The following STARD13 variants were observed in gnomAD, a reference collection of about 807,000 sequenced individuals.
STARD13 encodes the protein stAR-related lipid transfer protein 13.
In STARD13, 62 loss-of-function variants were observed where a neutral mutation model predicts 106.4. The observed-to-expected ratio is 0.58, with a 90% CI of 0.48 to 0.72. The LOEUF is 0.72. Ranked by LOEUF, STARD13 falls within the 30% of genes least tolerant of loss-of-function variation. The pLI, the probability that STARD13 is intolerant of heterozygous loss-of-function variation, is 0.00. For synonymous variants in STARD13, 565 were observed against 553.0 expected, an observed-to-expected ratio of 1.02 and a Z score of -0.31; for missense variants, 1,387 against 1,424.0, an observed-to-expected ratio of 0.97 and a Z score of 0.42.
At chr13:33,497,509 T>C in the STARD13 span, among the ~76,000 whole-genome samples, 1 of 152,152 alleles carries the variant, frequency 6.6e-6, no homozygotes, top group Non-Finnish European at 1.5e-5. Context: ...TATGAGCCTT[T>C]AGTTCTAAAT....
chr13:33,533,194 C>T, the STARD13 span, among the ~76,000 whole-genome samples: 36 of 152,268 alleles, frequency 2.4e-4, no homozygotes, highest in African/African-American at 7.9e-4. Flanking sequence ...GTCTTTTCCC[C>T]CAGTCCTTTC....
chr13:33,436,978 G>C, the STARD13 span, among the ~76,000 whole-genome samples: 8 of 152,196 alleles, frequency 5.3e-5, no homozygotes, highest in Non-Finnish European at 1.2e-4. Flanking sequence ...GTATATGGAG[G>C]GGCCCCTTCA....
chr13:33,415,135 G>A, the STARD13 span, among the ~76,000 whole-genome samples: 3 of 152,168 alleles, frequency 2.0e-5, no homozygotes, highest in African/African-American at 4.8e-5. Flanking sequence ...TTGGGAGGCC[G>A]AGGCGGGCGG....
chr13:33,621,598 T>C, the STARD13 span, among the ~76,000 whole-genome samples: 2,639 of 139,828 alleles, frequency 0.019, 83 homozygotes, highest in African/African-American at 0.067. Flanking sequence ...AAGAATGGCG[T>C]GAACCCGGGA....
At chr13:33,314,003 TA>T (rs925152398) in intron 1 of STARD13, among the ~76,000 whole-genome samples, 28 of 152,312 alleles carry the variant, frequency 1.8e-4, no homozygotes, top group African/African-American at 6.3e-4. Context: ...CTTTTCCATG[TA>T]TCTCCATCAC....
At chr13:33,385,873 A>C in the STARD13 span, among the ~76,000 whole-genome samples, 7 of 151,510 alleles carry the variant, frequency 4.6e-5, no homozygotes, top group Non-Finnish European at 8.8e-5. Context: ...ACAAAAAAAA[A>C]AAAATTAAAA....
intron 1 of STARD13, among the ~76,000 whole-genome samples, chr13:33,248,038 G>A (rs1433517445): frequency 1.3e-5 from 2 of 152,200 alleles, no homozygotes; most frequent in East Asian, 3.8e-4. Context: ...TTGAATAAAT[G>A]GGCATATAAC....
At chr13:33,149,624 G>A (rs890017919) in intron 3 of STARD13, among the ~76,000 whole-genome samples, 2 of 152,130 alleles carry the variant, frequency 1.3e-5, no homozygotes, top group South Asian at 2.1e-4. Context: ...AATAGTCTAT[G>A]GTTGTCTGAA....
the STARD13 span, among the ~76,000 whole-genome samples, chr13:33,562,400 C>G: frequency 6.8e-6 from 1 of 146,756 alleles, no homozygotes; most frequent in Non-Finnish European, 1.5e-5. Flanking sequence ...CCCCCATGTT[C>G]AATGTCTATC....
chr13:33,615,599 G>A, the STARD13 span, among the ~76,000 whole-genome samples: 22 of 152,232 alleles, frequency 1.4e-4, no homozygotes, highest in East Asian at 3.1e-3. Flanking sequence ...ACCTGTTACC[G>A]AGAAGAAACT....
chr13:33,560,230 C>A, the STARD13 span, among the ~76,000 whole-genome samples: 2 of 151,540 alleles, frequency 1.3e-5, no homozygotes, highest in Non-Finnish European at 2.9e-5. Context: ...AATATTAGTG[C>A]AACATTAGTT....
the STARD13 span, among the ~76,000 whole-genome samples, chr13:33,526,386 T>A: frequency 6.6e-6 from 1 of 152,120 alleles, no homozygotes; most frequent in East Asian, 1.9e-4. Context: ...ATAAGTTATA[T>A]TTGTAATATG....
chr13:33,484,137 C>T, the STARD13 span, among the ~76,000 whole-genome samples: 1 of 152,148 alleles, frequency 6.6e-6, no homozygotes, highest in Non-Finnish European at 1.5e-5. Context: ...TTGCCTTTAA[C>T]CTCCAAACTG....
At chr13:33,360,819 G>T in the STARD13 span, among the ~76,000 whole-genome samples, 1 of 128,908 alleles carries the variant, frequency 7.8e-6, no homozygotes, top group Admixed American at 8.0e-5. Context: ...TTTTTGAGAC[G>T]GAGTCTTGCT....
At chr13:33,582,331 C>G in the STARD13 span, among the ~76,000 whole-genome samples, 2 of 152,060 alleles carry the variant, frequency 1.3e-5, no homozygotes, top group African/African-American at 4.8e-5. Flanking sequence ...GACCCCTGTT[C>G]TTACTTTTAC....
chr13:33,538,757 G>T, the STARD13 span, among the ~76,000 whole-genome samples: 1 of 151,474 alleles, frequency 6.6e-6, no homozygotes, highest in African/African-American at 2.4e-5. Context: ...GAGTTAATGG[G>T]CACAAACTAT....
the STARD13 span, among the ~76,000 whole-genome samples, chr13:33,505,266 A>G: frequency 6.6e-6 from 1 of 152,184 alleles, no homozygotes; most frequent in African/African-American, 2.4e-5. Flanking sequence ...AGAATAAGGG[A>G]GGTAAAAATT....
chr13:33,219,540 A>T (rs1215214767), intron 1 of STARD13, among the ~76,000 whole-genome samples: 2 of 150,368 alleles, frequency 1.3e-5, no homozygotes, highest in African/African-American at 4.9e-5. Context: ...AAAAAAAAAA[A>T]AAAAAAATAG....
At chr13:33,268,949 C>T (rs930407772) in intron 1 of STARD13, among the ~76,000 whole-genome samples, 1 of 152,188 alleles carries the variant, frequency 6.6e-6, no homozygotes, top group Admixed American at 6.5e-5. Flanking sequence ...GTTAGTCTCA[C>T]CTTCTTGTGT....
Sources: gnomAD v4.1 joint callset for allele counts (sites outside exome capture counted in the v4.1 genomes callset) on GRCh38, gnomAD v4.1.1 for gene constraint, MANE v1.5 for transcripts, NCBI Gene and HGNC (gene_info 2026-07-23, HGNC 2026-07-21) for gene names.